Variants in PPARGC1A observed in about 807,000 individuals in gnomAD.
The protein encoded by PPARGC1A is peroxisome proliferator-activated receptor gamma coactivator 1-alpha.
Under a neutral mutation model 88.7 loss-of-function variants are expected in PPARGC1A, and 25 were observed. The observed-to-expected ratio is 0.28, with a 90% confidence interval of 0.21 to 0.39. The LOEUF (loss-of-function observed/expected upper bound fraction) is 0.39, where lower values mean the gene tolerates loss of function less well. Ranked by LOEUF, PPARGC1A falls within the 10% of genes least tolerant of loss-of-function variation. The pLI, the probability that PPARGC1A is intolerant of heterozygous loss-of-function variation, is 1.00. For missense variants in PPARGC1A, 880 were observed against 968.7 expected (o/e 0.91, Z 1.22); for synonymous variants, 363 against 355.6 (o/e 1.02, Z -0.24).
intron 1 of PPARGC1A, among the ~76,000 whole-genome samples, chr4:23,886,869 A>AC (rs1560516340): frequency 6.6e-6 from 1 of 151,508 alleles, no homozygotes; most frequent in African/African-American, 2.4e-5. Flanking sequence ...AAAAAAAAAA[A>AC]AAAAACATGA....
At chr4:24,370,309 A>G in the PPARGC1A span, among the ~76,000 whole-genome samples, 1 of 152,220 alleles carries the variant, frequency 6.6e-6, no homozygotes, top group Non-Finnish European at 1.5e-5. Context: ...AGAAATGGTC[A>G]AAAATGGGCA....
At chr4:23,920,058 G>T in the PPARGC1A span, among the ~76,000 whole-genome samples, 1 of 152,212 alleles carries the variant, frequency 6.6e-6, no homozygotes, top group East Asian at 1.9e-4. Context: ...TGAGGTCCAC[G>T]TAGGAGCAAA....
the PPARGC1A span, among the ~76,000 whole-genome samples, chr4:24,405,787 C>G: frequency 6.6e-6 from 1 of 152,186 alleles, no homozygotes; most frequent in Non-Finnish European, 1.5e-5. Flanking sequence ...ATTTATTCAA[C>G]TCAACTCGAA....
the PPARGC1A span, among the ~76,000 whole-genome samples, chr4:23,927,436 T>G: frequency 6.6e-6 from 1 of 152,208 alleles, no homozygotes; most frequent in Non-Finnish European, 1.5e-5. Context: ...AGAAAAGGTT[T>G]ATGGTTTTTT....
chr4:23,860,765 T>C (rs1430142187), intron 2 of PPARGC1A, among the ~76,000 whole-genome samples: 1 of 152,072 alleles, frequency 6.6e-6, no homozygotes, highest in Non-Finnish European at 1.5e-5. Context: ...CAAGGAAATC[T>C]AAATAAAGAG....
chr4:23,844,674 TA>T, intron 2 of PPARGC1A, among the ~76,000 whole-genome samples: 2 of 103,452 alleles, frequency 1.9e-5, no homozygotes, highest in East Asian at 5.1e-4. Context: ...TATATTATAA[TA>T]ATATATATCA....
chr4:24,236,691 GC>G, the PPARGC1A span, among the ~76,000 whole-genome samples: 11 of 152,158 alleles, frequency 7.2e-5, no homozygotes, highest in African/African-American at 2.6e-4. Context: ...CACATATCCT[GC>G]CCCATCTGCA....
At chr4:24,424,258 C>CTTTTTTTTTT in the PPARGC1A span, among the ~76,000 whole-genome samples, 28 of 44,346 alleles carry the variant, frequency 6.3e-4, 8 homozygotes, top group South Asian at 2.6e-3. Context: ...TATACACACA[C>CTTTTTTTTTT]TTTTTTTTTT....
the PPARGC1A span, among the ~76,000 whole-genome samples, chr4:24,100,383 A>G: frequency 1.3e-5 from 2 of 152,288 alleles, no homozygotes; most frequent in South Asian, 4.1e-4. Context: ...CTACCTCTGG[A>G]GAACTTTCTC....
chr4:23,944,631 G>A, the PPARGC1A span, among the ~76,000 whole-genome samples: 1 of 152,132 alleles, frequency 6.6e-6, no homozygotes, highest in African/African-American at 2.4e-5. Context: ...GTCCCCACAT[G>A]TCGTGTGAGG....
the PPARGC1A span, among the ~76,000 whole-genome samples, chr4:24,206,476 T>C: frequency 6.6e-6 from 1 of 152,330 alleles, no homozygotes; most frequent in African/African-American, 2.4e-5. Flanking sequence ...TGCGCAGTAT[T>C]GTCTCAACTG....
At chr4:23,938,467 A>G in the PPARGC1A span, among the ~76,000 whole-genome samples, 1 of 152,228 alleles carries the variant, frequency 6.6e-6, no homozygotes, top group Non-Finnish European at 1.5e-5. Context: ...GTAACAAACA[A>G]GACATGCCTT....
chr4:24,387,822 A>AAG, the PPARGC1A span, among the ~76,000 whole-genome samples: 1 of 68,156 alleles, frequency 1.5e-5, no homozygotes, highest in African/African-American at 4.0e-5. Flanking sequence ...GAAAGAAAGA[A>AAG]AGAGAGAAAG....
chr4:24,158,235 C>T, the PPARGC1A span, among the ~76,000 whole-genome samples: 2 of 152,162 alleles, frequency 1.3e-5, no homozygotes, highest in Admixed American at 6.6e-5. Context: ...GGGCAAATTC[C>T]CTGCTGTTCT....
intron 2 of PPARGC1A, among the ~76,000 whole-genome samples, chr4:23,841,516 A>T (rs570218620): frequency 1.3e-5 from 2 of 152,138 alleles, no homozygotes; most frequent in East Asian, 3.9e-4. Flanking sequence ...CACGTGTGTT[A>T]ACTTTCTTAT....
At chr4:24,024,076 A>C in the PPARGC1A span, among the ~76,000 whole-genome samples, 1 of 152,152 alleles carries the variant, frequency 6.6e-6, no homozygotes, top group Admixed American at 6.6e-5. Context: ...GGGACAACCC[A>C]CATGTACCAG....
the PPARGC1A span, among the ~76,000 whole-genome samples, chr4:24,044,711 CAG>C: frequency 2.0e-5 from 3 of 152,152 alleles, no homozygotes; most frequent in South Asian, 2.1e-4. Flanking sequence ...CATGTGGTGA[CAG>C]AGAGTTCCAC....
chr4:24,411,460 C>T, the PPARGC1A span, among the ~76,000 whole-genome samples: 2 of 152,234 alleles, frequency 1.3e-5, no homozygotes, highest in Non-Finnish European at 2.9e-5. Flanking sequence ...GCCTGCCCTA[C>T]TATCAACATC....
At chr4:24,023,567 A>G in the PPARGC1A span, among the ~76,000 whole-genome samples, 1 of 152,240 alleles carries the variant, frequency 6.6e-6, no homozygotes, top group Non-Finnish European at 1.5e-5. Flanking sequence ...CACAGAAAAC[A>G]TATACTCCTG....
Sources: gnomAD v4.1 joint callset for allele counts (sites outside exome capture counted in the v4.1 genomes callset) on GRCh38, gnomAD v4.1.1 for gene constraint, MANE v1.5 for transcripts, NCBI Gene and HGNC (gene_info 2026-07-23, HGNC 2026-07-21) for gene names.